The following DLG2 variants were observed in gnomAD, a reference collection of about 807,000 sequenced individuals.
DLG2 encodes discs large MAGUK scaffold protein 2, also known as disks large homolog 2.
In DLG2, 45 loss-of-function variants were observed where a neutral mutation model predicts 132.5. The observed-to-expected ratio is 0.34, with a 90% CI of 0.27 to 0.44. DLG2 has a LOEUF of 0.44. Among genes scored for constraint, DLG2 ranks in the 20% least tolerant of loss-of-function variants. DLG2 has a pLI of 1.00. For missense variants in DLG2, 1,045 were observed against 1,196.9 expected, an observed-to-expected ratio of 0.87 and a Z score of 1.87; for synonymous variants, 424 against 419.6, an observed-to-expected ratio of 1.01 and a Z score of -0.13.
intron 12 of DLG2, 105 bp downstream of exon 12, chr11:83,980,401 C>T (rs2092681351): frequency 3.9e-6 from 5 of 1,285,588 alleles, no homozygotes; most frequent in Non-Finnish European, 4.2e-6. Flanking sequence ...AAGCCACCCA[C>T]CCTGTGGTAT....
At chr11:84,548,802 T>A (rs2099395986) in intron 6 of DLG2, among the ~76,000 whole-genome samples, 1 of 152,092 alleles carries the variant, frequency 6.6e-6, no homozygotes, top group African/African-American at 2.4e-5. Flanking sequence ...GCAGCTTGAC[T>A]CACATTTGAG....
intron 17 of DLG2, chr11:83,790,315 G>T: frequency 1.1e-6 from 1 of 899,416 alleles, no homozygotes; most frequent in South Asian, 1.5e-5. Context: ...GGGAGCGAAA[G>T]CTCAAGCTTA....
At chr11:85,049,059 G>A (rs565065212) in intron 6 of DLG2, among the ~76,000 whole-genome samples, 208 of 151,990 alleles carry the variant, frequency 1.4e-3, no homozygotes, top group African/African-American at 2.6e-3. Flanking sequence ...GTATACATTC[G>A]TCATTCTCTA....
chr11:84,225,890 A>C (rs1162258922), intron 8 of DLG2, among the ~76,000 whole-genome samples: 1 of 151,834 alleles, frequency 6.6e-6, no homozygotes, highest in Non-Finnish European at 1.5e-5. Flanking sequence ...AGCTCACTGT[A>C]ACCTCCTCTT....
At chr11:84,180,884 T>C (rs867127025) in intron 8 of DLG2, among the ~76,000 whole-genome samples, 56 of 152,070 alleles carry the variant, frequency 3.7e-4, no homozygotes, top group African/African-American at 1.3e-3. Context: ...GAAATGTTTC[T>C]GTCAGTAGAC....
chr11:84,946,396 T>C (rs2050202058), intron 6 of DLG2, among the ~76,000 whole-genome samples: 1 of 152,008 alleles, frequency 6.6e-6, no homozygotes, highest in African/African-American at 2.4e-5. Flanking sequence ...TGATGCTTAT[T>C]CAAGGCTCAA....
intron 6 of DLG2, among the ~76,000 whole-genome samples, chr11:84,597,210 ACT>A (rs1172291234): frequency 1.3e-5 from 2 of 151,858 alleles, no homozygotes; most frequent in Non-Finnish European, 2.9e-5. Context: ...ACAGATCGAG[ACT>A]CTGTCTCAAA....
intron 12 of DLG2, among the ~76,000 whole-genome samples, chr11:83,978,111 A>C (rs1406702570): frequency 6.6e-6 from 1 of 152,088 alleles, no homozygotes; most frequent in Admixed American, 6.6e-5. Flanking sequence ...ATATCAACAA[A>C]ATGGTAATAA....
At chr11:85,224,192 T>G (rs1228875820) in intron 4 of DLG2, among the ~76,000 whole-genome samples, 2 of 152,280 alleles carry the variant, frequency 1.3e-5, no homozygotes, top group East Asian at 3.9e-4. Context: ...CTCTCCCATA[T>G]GAATTTCTAG....
intron 16 of DLG2, among the ~76,000 whole-genome samples, chr11:83,849,827 T>C (rs1220932180): frequency 3.3e-5 from 5 of 151,700 alleles, no homozygotes; most frequent in African/African-American, 1.2e-4. Context: ...AGAATGCTAG[T>C]GCCTGACATC....
intron 4 of DLG2, among the ~76,000 whole-genome samples, chr11:85,170,801 A>G (rs1030792935): frequency 7.2e-5 from 11 of 152,104 alleles, no homozygotes; most frequent in African/African-American, 2.4e-4. Context: ...GACAGGAGAG[A>G]GAGACTTGCT....
chr11:85,319,364 A>C (rs1480405316), intron 3 of DLG2, among the ~76,000 whole-genome samples: 1 of 151,864 alleles, frequency 6.6e-6, no homozygotes, highest in Non-Finnish European at 1.5e-5. Context: ...GAGTAGTTCC[A>C]GTACATCATT....
chr11:85,603,561 C>CT (rs200806581), intron 2 of DLG2, among the ~76,000 whole-genome samples: 12 of 149,730 alleles, frequency 8.0e-5, no homozygotes, highest in South Asian at 4.3e-4. Context: ...TAACTAAAGC[C>CT]TTTTTTTTTA....
chr11:84,274,815 A>C (rs2097769226), intron 7 of DLG2, among the ~76,000 whole-genome samples: 1 of 152,148 alleles, frequency 6.6e-6, no homozygotes, highest in Non-Finnish European at 1.5e-5. Context: ...TTTGTTTTTC[A>C]ATATCAATTC....
At chr11:84,494,078 C>T (rs1199004432) in intron 7 of DLG2, among the ~76,000 whole-genome samples, 3 of 152,098 alleles carry the variant, frequency 2.0e-5, no homozygotes, top group African/African-American at 7.2e-5. Flanking sequence ...GACTTATATG[C>T]TCAAAATTAT....
chr11:84,525,222 T>A (rs2099316686), intron 7 of DLG2, among the ~76,000 whole-genome samples: 1 of 152,130 alleles, frequency 6.6e-6, no homozygotes, highest in South Asian at 2.1e-4. Flanking sequence ...CTAGATCAGA[T>A]CTTTATTTCA....
In DLG2 at chr11:84,686,635, T is replaced by G. The variant is rs11501818; in HGVS notation, c.358-151904A>C. On this transcript the variant is annotated intron_variant, in intron 6 of 27. Transcript: ENST00000376104. Reference sequence around the variant, plus strand: ...TTCTTTCAACTGGCCTTGAGGTTTTTTTTTTTTTTTTTTTTTTATGCTATA... The same window carrying G: ...TTCTTTCAACTGGCCTTGAGGTTTTGTTTTTTTTTTTTTTTTTATGCTATA... 3.4e-3 allele frequency among the ~76,000 whole-genome samples: 426 copies of G among 126,678 alleles called. 1 individual carries two copies. Among genetic ancestry groups the G allele is most frequent in the African/African-American group, 0.012 (381 of 31,916 alleles). 83.1% of individuals were successfully genotyped at this position (126,678 alleles called of 152,430 possible).
At chr11:85,087,844 CA>C (rs71465019) in intron 6 of DLG2, among the ~76,000 whole-genome samples, 1,906 of 22,022 alleles carry the variant, frequency 0.087, 5 homozygotes, top group East Asian at 0.13. Flanking sequence ...GACTCCGTCT[CA>C]AAAAAAAAAA....
At chr11:85,332,427 A>G (rs1432675236) in intron 3 of DLG2, among the ~76,000 whole-genome samples, 1 of 150,472 alleles carries the variant, frequency 6.6e-6, no homozygotes, top group African/African-American at 2.4e-5. Context: ...TCTACTCTCT[A>G]TGGGTCCTTT....
Sources: allele counts gnomAD v4.1 joint callset (sites outside exome capture counted in the v4.1 genomes callset), GRCh38; gene constraint gnomAD v4.1.1; transcripts MANE v1.5; gene names NCBI Gene and HGNC (gene_info 2026-07-23, HGNC 2026-07-21).